ZBTB10: variants seen among roughly 807,000 people sequenced by gnomAD.
ZBTB10 encodes the protein zinc finger and BTB domain containing 10, also known as zinc finger and BTB domain-containing protein 10.
Under a neutral mutation model 76.4 loss-of-function variants are expected in ZBTB10, and 32 were observed. That is an observed-to-expected ratio of 0.42 (90% CI 0.32 to 0.56). ZBTB10 has a LOEUF of 0.56. Ranked by LOEUF, ZBTB10 falls within the 20% of genes least tolerant of loss-of-function variation. The pLI is 0.14. For synonymous variants in ZBTB10, 523 were observed against 432.9 expected, an observed-to-expected ratio of 1.21 and a Z score of -2.58; for missense variants, 1,057 against 1,098.5, an observed-to-expected ratio of 0.96 and a Z score of 0.53.
Position 80,515,421 on chromosome 8 carries a change from A to G in ZBTB10, c.1960+1413A>G, listed in dbSNP as rs1201168930. On this transcript the variant is annotated intron_variant, in intron 3 of 5. Coordinates refer to ENST00000455036, the MANE Select transcript of ZBTB10 (RefSeq NM_001105539.3). ...CTGACCAAAATAAAACCACATTTCT[A>G]AAGAAACTGCCTTAAGGTGGTTTCC... 3.9e-5 allele frequency among the ~76,000 whole-genome samples: 6 copies of G among 152,210 alleles called. No individual in the cohort carries two copies. The South Asian group carries it at 1.2e-3, about 32-fold the overall frequency.
intron 1 of ZBTB10, among the ~76,000 whole-genome samples, chr8:80,494,828 G>A (rs1191481320): frequency 2.0e-5 from 3 of 150,516 alleles, no homozygotes; most frequent in African/African-American, 7.3e-5. Context: ...GGGAGACTGA[G>A]ACAGGAGGAT....
At position 80,497,580 on chromosome 8, in the gene ZBTB10, T is replaced by C. The variant is rs143253428; in HGVS notation, c.973-1914T>C. On this transcript the variant is annotated intron_variant, in intron 1 of 5. Transcript: ENST00000455036. ...TCAGTCAAAAATGAGGAAATTTCTC[T>C]ACTTTGTGTGCTTCATTCTGTAGTG... 1.6e-3 allele frequency among the ~76,000 whole-genome samples: 240 copies of C among 152,136 alleles called. 1 individual carries two copies. Among genetic ancestry groups the C allele is most frequent in the African/African-American group, 5.4e-3 (224 of 41,538 alleles).
intron 2 of ZBTB10, among the ~76,000 whole-genome samples, chr8:80,503,414 T>C (rs1462207426): frequency 6.6e-6 from 1 of 152,210 alleles, no homozygotes. Context: ...GTAGGATGAC[T>C]GATTATTAGG....
At chr8:80,512,722 T>G (rs931984400) in intron 2 of ZBTB10, among the ~76,000 whole-genome samples, 1 of 152,110 alleles carries the variant, frequency 6.6e-6, no homozygotes, top group Admixed American at 6.6e-5. Context: ...CAAAAAAAAG[T>G]AACTTTCAGT....
upstream of ZBTB10, chr8:80,486,055 C>A: frequency 9.5e-7 from 1 of 1,050,580 alleles, no homozygotes; most frequent in South Asian, 1.8e-5. Flanking sequence ...GGCCGCACCC[C>A]CGCCCCCAGG....
chr8:80,510,448 G>A (rs549368719), intron 2 of ZBTB10, among the ~76,000 whole-genome samples: 1 of 152,152 alleles, frequency 6.6e-6, no homozygotes, highest in Admixed American at 6.5e-5. Flanking sequence ...AAAGTTGAAA[G>A]ATTTTACTGC....
intron 2 of ZBTB10, among the ~76,000 whole-genome samples, chr8:80,510,661 T>G (rs961870523): frequency 1.3e-5 from 2 of 151,798 alleles, no homozygotes; most frequent in Non-Finnish European, 2.9e-5. Flanking sequence ...TGTGTGTGTG[T>G]GTGTGTGTGT....
chr8:80,521,975 T>C lies in ZBTB10; in HGVS notation c.*2447T>C, dbSNP rs1403809321. ...AGGTAATCCAAAGGAAAAGTGTTTA[T>C]ACTCTTGAATATATTAGCCTCAGCC... On this transcript the variant is annotated 3_prime_UTR_variant, in exon 6 of 6. Transcript: ENST00000455036. 6.6e-6 allele frequency: 1 copy of C among 151,954 alleles called. No homozygotes were observed. 9.4% of individuals were successfully genotyped at this position (151,954 alleles called of 1,614,324 possible).
intron 2 of ZBTB10, among the ~76,000 whole-genome samples, chr8:80,506,428 C>G (rs958330127): frequency 2.0e-5 from 3 of 151,984 alleles, no homozygotes; most frequent in Non-Finnish European, 4.4e-5. Flanking sequence ...AATTCTCCTG[C>G]CTCAGCCTCC....
rs974345707 is a variant in ZBTB10, at chr8:80,486,597, C to G, written c.-214C>G. Reference sequence around the variant, plus strand: ...AGGACGAGAGAGCGGTCGGAGGCGTCGGCCCGGCAGCGGCAGCGGCAGCGG... The same window carrying G: ...AGGACGAGAGAGCGGTCGGAGGCGTGGGCCCGGCAGCGGCAGCGGCAGCGG... On this transcript the variant is annotated 5_prime_UTR_variant, in exon 1 of 6. Coordinates refer to ENST00000455036, the MANE Select transcript of ZBTB10 (RefSeq NM_001105539.3). 1.0e-6 allele frequency: 1 copy of G among 986,036 alleles called. No individual in the cohort carries two copies. The highest frequency in any genetic ancestry group is 1.8e-5 in the African/African-American group (1 of 56,446). 61.1% of individuals were successfully genotyped at this position (986,036 alleles called of 1,614,324 possible).
At chr8:80,485,727 T>G, upstream of ZBTB10, 4 of 1,491,912 alleles carry the variant, frequency 2.7e-6, no homozygotes, top group Non-Finnish European at 3.6e-6. Context: ...TGGTCCAGTC[T>G]TTGTGAAGGA....
Position 80,487,237 on chromosome 8 carries a change from C to T in ZBTB10, c.427C>T (p.Pro143Ser). Residue 143 changes from proline to serine, a missense_variant, in exon 1 of 6, where the codon CCC becomes TCC. Physicochemically the swap from Pro to Ser is moderately conservative, Grantham distance 74. This residue lies in a region of ZBTB10 where 556 missense variants were observed against 451.7 expected (regional missense o/e 1.23). Coordinates refer to ENST00000455036, the MANE Select transcript of ZBTB10 (RefSeq NM_001105539.3). ...LGNNGSSRGR[P>S]ETSVWPLRHF... ...CAACAATGGCAGTAGCCGCGGCCGC[C>T]CCGAGACCTCGGTGTGGCCCTTGAG... is the stretch of plus-strand genomic sequence containing the variant. 1 of 1,548,240 alleles carries T rather than the reference C, an allele frequency of 6.5e-7. No individual in the cohort carries two copies. The highest frequency in any genetic ancestry group is 2.4e-5 in the East Asian group (1 of 40,886).
intron 1 of ZBTB10, among the ~76,000 whole-genome samples, chr8:80,488,858 T>C (rs1815552312): frequency 6.6e-6 from 1 of 152,210 alleles, no homozygotes; most frequent in South Asian, 2.1e-4. Context: ...ATTGGAATGA[T>C]TCTGCCGTTC....
rs889412535 is a variant in ZBTB10 at position 80,524,078 on chromosome 8, A to G, written c.*4550A>G. Reference sequence around the variant, plus strand: ...AACTGCTTCTGGCTTTGTGAATTTTATTGACTGACATTTAATTCAGATTTC... The same window carrying G: ...AACTGCTTCTGGCTTTGTGAATTTTGTTGACTGACATTTAATTCAGATTTC... On this transcript the variant is annotated 3_prime_UTR_variant, in exon 6 of 6. Coordinates refer to ENST00000455036, the MANE Select transcript of ZBTB10 (RefSeq NM_001105539.3). 1.3e-5 allele frequency: 2 copies of G among 152,038 alleles called. No individual in the cohort carries two copies. The highest frequency in any genetic ancestry group is 1.3e-4 in the Admixed American group (2 of 15,248). The allele number at this position is 152,038 out of a possible 1,614,324, so 9.4% of individuals were successfully genotyped here. A position where few individuals can be genotyped will look rare whatever the true frequency, so the allele number is the denominator to read the frequency against.
intron 2 of ZBTB10, among the ~76,000 whole-genome samples, chr8:80,502,877 G>A (rs1030058422): frequency 3.3e-5 from 5 of 152,136 alleles, no homozygotes; most frequent in African/African-American, 7.2e-5. Context: ...CCAACCCTTC[G>A]TATATAGCAG....
chr8:80,515,125 A>G (rs1349932665), intron 3 of ZBTB10, among the ~76,000 whole-genome samples: 1 of 152,172 alleles, frequency 6.6e-6, no homozygotes, highest in Admixed American at 6.5e-5. Context: ...GTTAATTTTA[A>G]ATTTCTTATA....
At chr8:80,516,264 A>G (rs532709806) in intron 3 of ZBTB10, among the ~76,000 whole-genome samples, 2 of 152,326 alleles carry the variant, frequency 1.3e-5, no homozygotes, top group African/African-American at 4.8e-5. Context: ...TTAATTGTAG[A>G]TACTAGAACA....
rs1326860636 is a variant in ZBTB10, at chr8:80,521,541, G to GAT, written c.*2020_*2021dup. 6 of 151,538 alleles carry GAT rather than the reference G, an allele frequency of 4.0e-5. No individual in the cohort carries two copies. The highest frequency in any genetic ancestry group is 1.5e-4 in the African/African-American group (6 of 41,350). The allele number at this position is 151,538 out of a possible 1,614,324, so 9.4% of individuals were successfully genotyped here. On this transcript the variant is annotated 3_prime_UTR_variant, in exon 6 of 6. Coordinates refer to ENST00000455036, the MANE Select transcript of ZBTB10 (RefSeq NM_001105539.3). ...ATATAAATATATATTAAAGAACAAA[G>GAT]ATATATATCTAAAAATCACCTAAAT... is the stretch of plus-strand genomic sequence containing the variant.
In ZBTB10 at chr8:80,493,209, A is replaced by ACG. The variant is rs1226235279; in HGVS notation, c.972+5428_972+5429insGC. 1.6e-4 allele frequency among the ~76,000 whole-genome samples: 12 copies of ACG among 73,334 alleles called. No individual in the cohort carries two copies. The South Asian group carries it at 3.7e-3, about 23-fold the overall frequency. 48.1% of individuals were successfully genotyped at this position (73,334 alleles called of 152,430 possible). On this transcript the variant is annotated intron_variant, in intron 1 of 5. Coordinates refer to ENST00000455036, the MANE Select transcript of ZBTB10 (RefSeq NM_001105539.3). ...TGCCTCAAAACGCGCGCGCGCGCGC[A>ACG]CACACACACACACACACACACACAC...
Sources: gnomAD v4.1 joint callset for allele counts (sites outside exome capture counted in the v4.1 genomes callset) on GRCh38, gnomAD v4.1.1 for gene constraint, gnomAD v4.1.1 regional missense constraint, MANE v1.5 for transcripts, NCBI Gene and HGNC (gene_info 2026-07-23, HGNC 2026-07-21) for gene names.